The following RBM28 variants were observed in gnomAD, a reference collection of about 807,000 sequenced individuals.
RBM28 encodes RNA-binding protein 28.
A neutral mutation model predicts 98.3 loss-of-function variants in RBM28; 78 were observed. That is an observed-to-expected ratio of 0.79 (90% CI 0.66 to 0.96). The LOEUF is 0.96. Ranked by LOEUF, RBM28 falls within the 40% of genes least tolerant of loss-of-function variation. The probability of loss-of-function intolerance (pLI) is 0.00; values close to 1 mark genes in which losing one functional copy is unlikely to be tolerated. For synonymous variants in RBM28, 306 were observed against 330.9 expected (o/e 0.92, Z 0.82); for missense variants, 838 against 913.0 (o/e 0.92, Z 1.06).
intron 8 of RBM28, 72 bp from the exon 9 acceptor site, chr7:128,333,434 A>G: frequency 7.8e-7 from 1 of 1,276,088 alleles, no homozygotes; most frequent in Non-Finnish European, 1.1e-6. Context: ...TAACTTCTTA[A>G]GTACATAAAG....
chr7:128,314,373 T>C lies in RBM28; in HGVS notation c.2045+391A>G, dbSNP rs975490746. Among the ~76,000 whole-genome samples the C allele has an allele frequency of 6.6e-5, 10 of 152,226 alleles. No individual in the cohort carries two copies. The East Asian group carries it at 1.9e-3, about 29-fold the overall frequency. On this transcript the variant is annotated intron_variant, in intron 17 of 18. Transcript: ENST00000223073. ...AAATAAATAAATAAATAAAACCCCA[T>C]GGATATCTCAAAAACCTTCATTTAT...
In RBM28 at chr7:128,338,717, T is replaced by G; in HGVS notation, c.448+9A>C. 1.9e-6 allele frequency: 3 copies of G among 1,559,916 alleles called. No homozygotes were observed. Among genetic ancestry groups the G allele is most frequent in the South Asian group, 1.1e-5 (1 of 89,926 alleles). ...ACGTAATCCACACCAAGTGAAGGTT[T>G]ATTAGTACCTGGTTTCCTAGGGATA... On this transcript the variant is annotated intron_variant, in intron 4 of 18. Transcript: ENST00000223073.
At chr7:128,317,630 TA>T (rs1269062461) in intron 16 of RBM28, 28 bp downstream of exon 16, 3 of 1,513,818 alleles carry the variant, frequency 2.0e-6, no homozygotes, top group Admixed American at 1.7e-5. Flanking sequence ...TTTATGTCCT[TA>T]AAAATATGGA....
Position 128,310,623 on chromosome 7 carries a change from C to A in RBM28, c.*174G>T. 2 of 737,954 alleles carry A rather than the reference C, an allele frequency of 2.7e-6. No homozygotes were observed. The allele number at this position is 737,954 out of a possible 1,614,324, so 45.7% of individuals were successfully genotyped here. Reference sequence around the variant, plus strand: ...TTCTCTTTGTGGCTAACGAACCACACATCAAAGGATGGACCAAAGTTCAGA... The same window carrying A: ...TTCTCTTTGTGGCTAACGAACCACAAATCAAAGGATGGACCAAAGTTCAGA... On this transcript the variant is annotated 3_prime_UTR_variant, in exon 19 of 19. Transcript: ENST00000223073.
rs998404356 is a variant in RBM28 at position 128,307,845 on chromosome 7, G to T, written c.*2952C>A. The T allele has an allele frequency of 1.3e-5, 2 of 152,124 alleles. No individual in the cohort carries two copies. Among genetic ancestry groups the T allele is most frequent in the Non-Finnish European group, 2.9e-5 (2 of 68,030 alleles). 9.4% of individuals were successfully genotyped at this position (152,124 alleles called of 1,614,324 possible). Reference sequence around the variant, plus strand: ...GTTTTTCAAAATAATAGAGATGGGGGTCTCACTATGTTGGCCAGGTCGGTC... The same window carrying T: ...GTTTTTCAAAATAATAGAGATGGGGTTCTCACTATGTTGGCCAGGTCGGTC... On this transcript the variant is annotated 3_prime_UTR_variant, in exon 19 of 19. Transcript: ENST00000223073.
At position 128,338,274 on chromosome 7, in the gene RBM28, C is replaced by A; in HGVS notation, c.517G>T (p.Gly173Cys). The change falls in exon 5 of 19, where the codon GGC (glycine) becomes TGC (cysteine). Residue 173 changes from glycine (G) to cysteine (C), a missense_variant. Coordinates refer to ENST00000223073, the MANE Select transcript of RBM28 (RefSeq NM_018077.3). Reference sequence around the variant, plus strand: ...CCTTTTATCTCTTTCATGTTCATGCCTTTGAGAGCTTTACCTGCTTCTAGG... The same window carrying A: ...CCTTTTATCTCTTTCATGTTCATGCATTTGAGAGCTTTACCTGCTTCTAGG... ...NLLEAGKALK[G>C]MNMKEIKGRT... 1 of 1,614,088 alleles carries A rather than the reference C, an allele frequency of 6.2e-7. No homozygotes were observed.
In RBM28 at chr7:128,323,605, GA is replaced by G. The variant is rs2116347415; in HGVS notation, c.1340-15del. ...CAGCACGAATCACTGCAGAAAGAGGGAAAAAGGCCAAGACATCAACAAGGGA... is the reference window on the plus strand; with the variant it reads ...CAGCACGAATCACTGCAGAAAGAGGGAAAAGGCCAAGACATCAACAAGGGA... On this transcript the variant is annotated splice_polypyrimidine_tract_variant and intron_variant, in intron 12 of 18. Transcript: ENST00000223073. 1 of 1,613,524 alleles carries G rather than the reference GA, an allele frequency of 6.2e-7. No individual in the cohort carries two copies.
At position 128,335,909 on chromosome 7, in the gene RBM28, A is replaced by T; in HGVS notation, c.747T>A (p.Asp249Glu). Residue 249 changes from aspartate to glutamate, a missense_variant, in exon 7 of 19, where the codon GAT (aspartate) becomes GAA (glutamate). Coordinates refer to ENST00000223073, the MANE Select transcript of RBM28 (RefSeq NM_018077.3). ...CTATATTCTCTTCCTCTTCATCTTC[A>T]TCATCAAAAACCCCATCTTCTTCAT... is the stretch of plus-strand genomic sequence containing the variant. Reference protein sequence around the residue: ...DDDEEDGVFDDEDEEEENIES... With the variant: ...DDDEEDGVFDEEDEEEENIES... 1 of 1,612,692 alleles carries T rather than the reference A, an allele frequency of 6.2e-7. No homozygotes were observed. The highest frequency in any genetic ancestry group is 8.5e-7 in the Non-Finnish European group (1 of 1,178,856).
At chr7:128,320,197 CAG>C (rs1796193124) in intron 14 of RBM28, among the ~76,000 whole-genome samples, 1 of 117,004 alleles carries the variant, frequency 8.5e-6, no homozygotes, top group African/African-American at 3.3e-5. Context: ...AGCTTAACGA[CAG>C]AGTGAGACTC....
intron 14 of RBM28, among the ~76,000 whole-genome samples, chr7:128,320,594 T>C (rs1796210393): frequency 1.3e-5 from 2 of 152,190 alleles, no homozygotes; most frequent in African/African-American, 4.8e-5. Context: ...TAGGGGACTC[T>C]GAACACAGGG....
intron 9 of RBM28, 32 bp from the exon 10 acceptor site, chr7:128,330,960 AG>A (rs747826681): frequency 2.5e-5 from 35 of 1,396,400 alleles, no homozygotes; most frequent in Non-Finnish European, 3.1e-5. Flanking sequence ...TCACAAGAAA[AG>A]TCAATTACAT....
chr7:128,343,623 G>T, intron 1 of RBM28, 53 bp downstream of exon 1: 1 of 1,345,766 alleles, frequency 7.4e-7, no homozygotes. Context: ...GTTTGGGAAG[G>T]TGCCCTCGAT....
chr7:128,321,537 A>C, intron 13 of RBM28, 113 bp from the exon 14 acceptor site: 1 of 1,293,344 alleles, frequency 7.7e-7, no homozygotes, highest in Non-Finnish European at 1.1e-6. Flanking sequence ...ACATATAGAA[A>C]ACGGATGGAA....
rs1402543908 is a variant in RBM28 at position 128,324,508 on chromosome 7, T to G, written c.1339+51A>C. ...GGCATACTATTGCTTGATCAATGAT[T>G]ATGGCACAGGGCCAGGTACTTAGAA... is the stretch of plus-strand genomic sequence containing the variant. On this transcript the variant is annotated intron_variant, in intron 12 of 18. Coordinates refer to ENST00000223073, the MANE Select transcript of RBM28 (RefSeq NM_018077.3). The G allele has an allele frequency of 1.9e-6, 3 of 1,612,660 alleles. No homozygotes were observed. In the African/African-American group the frequency reaches 4.0e-5, roughly 22 times the overall value.
rs906192304 is a variant in RBM28, at chr7:128,302,303, C to T, written c.*8494G>A. ...GCTGGCTGCGGGCAGGAGAGCTGGG[C>T]TCATTCGTTCTGGCAGCTGTCCCTG... On this transcript the variant is annotated 3_prime_UTR_variant, in exon 19 of 19. Transcript: ENST00000223073. The T allele has an allele frequency of 3.9e-5, 6 of 152,244 alleles. No individual in the cohort carries two copies. Among genetic ancestry groups the T allele is most frequent in the African/African-American group, 1.4e-4 (6 of 41,438 alleles). 9.4% of individuals were successfully genotyped at this position (152,244 alleles called of 1,614,324 possible). A position where few individuals can be genotyped will look rare whatever the true frequency, so the allele number is the denominator to read the frequency against.
Position 128,300,400 on chromosome 7 carries a change from G to C in RBM28, c.*10397C>G, listed in dbSNP as rs1404694084. On this transcript the variant is annotated 3_prime_UTR_variant, in exon 19 of 19. Coordinates refer to ENST00000223073, the MANE Select transcript of RBM28 (RefSeq NM_018077.3). ...ATAGCTGGAATGTGAGCTCCCAAGT[G>C]GCTTGAGCTCACTCTGCTCAGGACC... 6.6e-6 allele frequency: 1 copy of C among 152,296 alleles called. No homozygotes were observed. The highest frequency in any genetic ancestry group is 2.1e-4 in the South Asian group (1 of 4,834). 9.4% of individuals were successfully genotyped at this position (152,296 alleles called of 1,614,324 possible).
chr7:128,325,119 A>G (rs1239040980), intron 11 of RBM28, among the ~76,000 whole-genome samples: 2 of 152,230 alleles, frequency 1.3e-5, no homozygotes, highest in Non-Finnish European at 2.9e-5. Flanking sequence ...TACAGCAAAC[A>G]TCAATTACGC....
chr7:128,325,863 T>C lies in RBM28; in HGVS notation c.1158A>G (p.Gln386=), dbSNP rs1300359761. The change falls in exon 11 of 19, where the codon CAA becomes CAG. Residue 386 remains glutamine, a synonymous_variant. Coordinates refer to ENST00000223073, the MANE Select transcript of RBM28 (RefSeq NM_018077.3). ...CTAGAAGGCATTTCTGAGCTGCTTC[T>C]TGAGTCATGAACTGGGCAAATGCAC... The part of the protein sequence containing the change: ...KGCAFAQFMT[Q]EAAQKCLLAA... 2.5e-6 allele frequency: 4 copies of C among 1,613,832 alleles called. No homozygotes were observed. In the South Asian group the frequency reaches 3.3e-5, roughly 13 times the overall value.
chr7:128,325,920 T>A (rs750102237), intron 10 of RBM28, 29 bp from the exon 11 acceptor site: 2 of 1,551,806 alleles, frequency 1.3e-6, no homozygotes, highest in East Asian at 4.5e-5. Context: ...TTCAGTGAGA[T>A]CCCAAACTCC....
Sources: gnomAD v4.1 joint callset for allele counts (sites outside exome capture counted in the v4.1 genomes callset) on GRCh38, gnomAD v4.1.1 for gene constraint, MANE v1.5 for transcripts, NCBI Gene and HGNC (gene_info 2026-07-23, HGNC 2026-07-21) for gene names.